Variants in ERBB4 observed in about 807,000 individuals in gnomAD.
ERBB4 encodes receptor tyrosine-protein kinase erbB-4.
ERBB4 carries 42 observed loss-of-function variants against 158.0 expected under a neutral mutation model. That is an observed-to-expected ratio of 0.27 (90% CI 0.21 to 0.34). The LOEUF (loss-of-function observed/expected upper bound fraction) is 0.34. Among genes scored for constraint, ERBB4 ranks in the 10% least tolerant of loss-of-function variants. The pLI is 1.00. For missense variants in ERBB4, 1,333 were observed against 1,624.1 expected (o/e 0.82, Z 3.08); for synonymous variants, 583 against 558.7 (o/e 1.04, Z -0.61).
chr2:211,700,703 T>TCACA (rs971455104), intron 12 of ERBB4, among the ~76,000 whole-genome samples: 2 of 151,788 alleles, frequency 1.3e-5, no homozygotes, highest in Non-Finnish European at 2.9e-5. Flanking sequence ...TTCTATTTAT[T>TCACA]CACACACACA....
chr2:211,655,899 C>T (rs1464037221), intron 16 of ERBB4, among the ~76,000 whole-genome samples: 2 of 152,122 alleles, frequency 1.3e-5, no homozygotes, highest in South Asian at 2.1e-4. Flanking sequence ...ACATGCTTCG[C>T]TTTCTTTTTA....
chr2:211,383,414 T>A lies in ERBB4; in HGVS notation c.*201A>T, dbSNP rs1217344685. ...GCAGAGAAATGAAGAAACATTGTGG[T>A]TCCTCCTATCTTTCTCTTTCAGTCT... On this transcript the variant is annotated 3_prime_UTR_variant, in exon 28 of 28. Transcript: ENST00000342788. The A allele has an allele frequency of 1.7e-6, 1 of 586,530 alleles. No individual in the cohort carries two copies. Among genetic ancestry groups the A allele is most frequent in the East Asian group, 2.9e-5 (1 of 34,824 alleles). The allele number at this position is 586,530 out of a possible 1,614,324, so 36.3% of individuals were successfully genotyped here.
chr2:212,049,419 C>T (rs1035371853), intron 2 of ERBB4, among the ~76,000 whole-genome samples: 1 of 151,974 alleles, frequency 6.6e-6, no homozygotes, highest in Non-Finnish European at 1.5e-5. Context: ...GGTGTGCACG[C>T]CTGATTCTTG....
chr2:212,313,437 G>A (rs920299392), intron 1 of ERBB4, among the ~76,000 whole-genome samples: 2 of 150,696 alleles, frequency 1.3e-5, no homozygotes, highest in African/African-American at 4.9e-5. Context: ...CATGCCAAGT[G>A]TACAACTAAT....
chr2:212,317,730 A>ATGCC lies in ERBB4; in HGVS notation c.83-192831_83-192828dup, dbSNP rs1215653307. On this transcript the variant is annotated intron_variant, in intron 1 of 27. Coordinates refer to ENST00000342788, the MANE Select transcript of ERBB4 (RefSeq NM_005235.3). Reference sequence around the variant, plus strand: ...CTTAAGATCAAAAAGGATAAATGTCATGCCTCAAAGCATACAGATATAAAG... The same window carrying ATGCC: ...CTTAAGATCAAAAAGGATAAATGTCATGCCTGCCTCAAAGCATACAGATATAAAG... Among the ~76,000 whole-genome samples the ATGCC allele has an allele frequency of 1.6e-4, 24 of 151,648 alleles. No homozygotes were observed. In the South Asian group the frequency reaches 4.8e-3, roughly 30 times the overall value.
chr2:211,517,627 G>A (rs1430007931), intron 20 of ERBB4, among the ~76,000 whole-genome samples: 1 of 152,088 alleles, frequency 6.6e-6, no homozygotes, highest in African/African-American at 2.4e-5. Context: ...AGAGAGCTCT[G>A]TCTCTGACAT....
intron 1 of ERBB4, 21 bp downstream of exon 1, chr2:212,538,428 G>T (rs549871615): frequency 3.0e-5 from 48 of 1,610,886 alleles, no homozygotes; most frequent in Non-Finnish European, 4.1e-5. Flanking sequence ...TTCGGCGACC[G>T]GAGTGCCAGA....
chr2:212,414,402 C>T (rs73987400), intron 1 of ERBB4, among the ~76,000 whole-genome samples: 13,902 of 152,096 alleles, frequency 0.091, 1,093 homozygotes, highest in African/African-American at 0.2. Flanking sequence ...TGCCTTTAGT[C>T]GGAAGAGGTG....
chr2:211,948,866 C>T (rs2080787668), intron 2 of ERBB4, among the ~76,000 whole-genome samples: 1 of 151,994 alleles, frequency 6.6e-6, no homozygotes, highest in African/African-American at 2.4e-5. Flanking sequence ...CTATACTTTC[C>T]CCAAACTCCA....
intron 1 of ERBB4, among the ~76,000 whole-genome samples, chr2:212,484,692 C>T (rs909592373): frequency 2.6e-5 from 4 of 152,198 alleles, no homozygotes; most frequent in African/African-American, 9.6e-5. Flanking sequence ...GCTTCAAAGG[C>T]TTTTTAAGGT....
rs145087444 is a variant in ERBB4, at chr2:212,472,551, T to G, written c.82+65898A>C. Among the ~76,000 whole-genome samples, 223 of 151,876 alleles carry G rather than the reference T, an allele frequency of 1.5e-3. 2 individuals are homozygous for G. Among genetic ancestry groups the G allele is most frequent in the Middle Eastern group, 6.8e-3 (2 of 294 alleles). On this transcript the variant is annotated intron_variant, in intron 1 of 27. Coordinates refer to ENST00000342788, the MANE Select transcript of ERBB4 (RefSeq NM_005235.3). ...TTCCATATTAAAAAAAAAACCTACC[T>G]TAAGTAATTCTTAATGAAGGCAAAT...
intron 3 of ERBB4, among the ~76,000 whole-genome samples, chr2:211,862,745 T>A (rs548625426): frequency 3.5e-4 from 53 of 152,352 alleles, no homozygotes; most frequent in African/African-American, 1.2e-3. Flanking sequence ...GAATTTAATA[T>A]GGTTCTATCT....
At chr2:212,007,170 G>A (rs1038499811) in intron 2 of ERBB4, among the ~76,000 whole-genome samples, 50 of 151,968 alleles carry the variant, frequency 3.3e-4, no homozygotes, top group African/African-American at 1.2e-3. Flanking sequence ...TCAATGAACA[G>A]AGAAGTTAAC....
chr2:211,922,408 C>G (rs983519313), intron 3 of ERBB4, among the ~76,000 whole-genome samples: 4 of 152,100 alleles, frequency 2.6e-5, no homozygotes, highest in African/African-American at 9.6e-5. Flanking sequence ...GAAAAAAGTC[C>G]TAAGTAACAA....
chr2:211,812,490 AG>A (rs1321493674), intron 3 of ERBB4, among the ~76,000 whole-genome samples: 1 of 152,150 alleles, frequency 6.6e-6, no homozygotes, highest in Non-Finnish European at 1.5e-5. Flanking sequence ...TAGGCTACAC[AG>A]GGGTCAGGGA....
chr2:212,305,215 T>C (rs535939690), intron 1 of ERBB4, among the ~76,000 whole-genome samples: 2 of 151,478 alleles, frequency 1.3e-5, no homozygotes, highest in South Asian at 4.1e-4. Flanking sequence ...CCCTAAGTCA[T>C]TACTCTTTTC....
intron 2 of ERBB4, among the ~76,000 whole-genome samples, chr2:212,074,520 A>G (rs532213702): frequency 6.6e-6 from 1 of 152,080 alleles, no homozygotes; most frequent in Admixed American, 6.6e-5. Flanking sequence ...TATTTAACCA[A>G]ATACTATTTT....
intron 20 of ERBB4, among the ~76,000 whole-genome samples, chr2:211,525,606 C>T (rs1051970731): frequency 2.6e-5 from 4 of 152,076 alleles, no homozygotes; most frequent in East Asian, 3.9e-4. Context: ...GGCACCAGGT[C>T]GGCCACACAC....
At chr2:211,550,725 T>C (rs2067069889) in intron 20 of ERBB4, among the ~76,000 whole-genome samples, 1 of 141,798 alleles carries the variant, frequency 7.1e-6, no homozygotes, top group Non-Finnish European at 1.5e-5. Context: ...TATATATATA[T>C]ATATATACAC....
Sources: allele counts gnomAD v4.1 joint callset (sites outside exome capture counted in the v4.1 genomes callset), GRCh38; gene constraint gnomAD v4.1.1; transcripts MANE v1.5; gene names NCBI Gene and HGNC (gene_info 2026-07-23, HGNC 2026-07-21).